The following TPP2 variants were observed in gnomAD, a reference collection of about 807,000 sequenced individuals.
TPP2 encodes tripeptidyl peptidase 2.
A neutral mutation model predicts 155.9 loss-of-function variants in TPP2; 34 were observed. The ratio of observed to expected loss-of-function variants is 0.22; its 90% CI spans 0.17 to 0.29. The LOEUF is 0.29. Among genes scored for constraint, TPP2 ranks in the 10% least tolerant of loss-of-function variants. The probability of loss-of-function intolerance (pLI) is 1.00; values close to 1 mark genes in which losing one functional copy is unlikely to be tolerated. For missense variants in TPP2, 1,028 were observed against 1,522.3 expected (o/e 0.68, Z 5.40); for synonymous variants, 510 against 529.4 (o/e 0.96, Z 0.50).
chr13:102,678,079 G>A (rs1885403678), intron 29 of TPP2, 148 bp from the exon 30 acceptor site: 1 of 740,034 alleles, frequency 1.4e-6, no homozygotes, highest in Non-Finnish European at 2.1e-6. Flanking sequence ...GTGGGAAGGA[G>A]GATCAATGGG....
chr13:102,622,030 A>G (rs907328776), intron 5 of TPP2, among the ~76,000 whole-genome samples: 2 of 152,212 alleles, frequency 1.3e-5, no homozygotes, highest in Non-Finnish European at 2.9e-5. Context: ...TATTAGGGCA[A>G]TGCATAAAAA....
In TPP2 at chr13:102,679,843, C is replaced by G. The variant is rs1261594050; in HGVS notation, c.*1527C>G. On this transcript the variant is annotated 3_prime_UTR_variant, in exon 30 of 30. Transcript: ENST00000376052. ...ATTAATTACAGACCTTGCTTTACAA[C>G]CCAGGTTTTGCTATTTCAGGTAAGT... The G allele has an allele frequency of 6.6e-6, 1 of 152,168 alleles. No homozygotes were observed. Among genetic ancestry groups the G allele is most frequent in the Non-Finnish European group, 1.5e-5 (1 of 68,026 alleles). The allele number at this position is 152,168 out of a possible 1,614,324, so 9.4% of individuals were successfully genotyped here.
intron 16 of TPP2, 145 bp from the exon 17 acceptor site, chr13:102,643,077 A>G (rs1460695959): frequency 3.3e-5 from 21 of 644,454 alleles, no homozygotes; most frequent in Non-Finnish European, 4.6e-5. Context: ...TTATGGAAAT[A>G]TGCAGATTTG....
chr13:102,616,566 A>G lies in TPP2; in HGVS notation c.495+66A>G, dbSNP rs1040641703. 1.2e-5 allele frequency: 15 copies of G among 1,262,502 alleles called. No individual in the cohort carries two copies. In the African/African-American group the frequency reaches 2.0e-4, roughly 17 times the overall value. The allele number at this position is 1,262,502 out of a possible 1,614,324, so 78.2% of individuals were successfully genotyped here. A position where few individuals can be genotyped will look rare whatever the true frequency, so the allele number is the denominator to read the frequency against. On this transcript the variant is annotated intron_variant, in intron 4 of 29. Coordinates refer to ENST00000376052, the MANE Select transcript of TPP2 (RefSeq NM_001330588.2). ...CATATTCCCATAGAGTTTCTACAGA[A>G]CTAATAGACTGTTTTTCCACAAGTT...
chr13:102,646,408 A>G lies in TPP2; in HGVS notation c.2490+18A>G, dbSNP rs759311929. On this transcript the variant is annotated intron_variant, in intron 20 of 29. Transcript: ENST00000376052. ...TTCATCAAGTAAGTGTTTGCCTAGT[A>G]AAGTGTACCCTTAGGATGAACTTTT... 2.7e-5 allele frequency: 43 copies of G among 1,590,852 alleles called. No homozygotes were observed. Among genetic ancestry groups the G allele is most frequent in the Non-Finnish European group, 3.5e-5 (41 of 1,163,804 alleles).
chr13:102,665,205 T>G (rs1169397085), intron 27 of TPP2, among the ~76,000 whole-genome samples: 1 of 152,164 alleles, frequency 6.6e-6, no homozygotes, highest in Non-Finnish European at 1.5e-5. Context: ...TCCAACCACT[T>G]GAGGGTTTAT....
At chr13:102,605,903 T>G (rs1408916577) in intron 2 of TPP2, among the ~76,000 whole-genome samples, 1 of 152,032 alleles carries the variant, frequency 6.6e-6, no homozygotes, top group Non-Finnish European at 1.5e-5. Flanking sequence ...TTTGTATGAT[T>G]AGTAGAGACA....
chr13:102,651,524 G>A (rs1595191747), intron 24 of TPP2, 127 bp downstream of exon 24: 1 of 955,408 alleles, frequency 1.0e-6, no homozygotes. Flanking sequence ...GCATTCTAAA[G>A]TATAGTGCTC....
At chr13:102,628,412 T>TG (rs1595161298) in intron 8 of TPP2, among the ~76,000 whole-genome samples, 1 of 152,136 alleles carries the variant, frequency 6.6e-6, no homozygotes, top group East Asian at 1.9e-4. Flanking sequence ...CGCCCAGACT[T>TG]GCTGAAATTT....
chr13:102,634,194 C>T, intron 11 of TPP2, 96 bp downstream of exon 11: 12 of 1,512,666 alleles, frequency 7.9e-6, no homozygotes, highest in Non-Finnish European at 1.0e-5. Context: ...ATTGATAATT[C>T]CCTGGGCACA....
At chr13:102,651,020 G>T (rs1195769306) in intron 23 of TPP2, among the ~76,000 whole-genome samples, 1 of 152,128 alleles carries the variant, frequency 6.6e-6, no homozygotes, top group African/African-American at 2.4e-5. Context: ...CATAGGCAAT[G>T]GGGTTGTTGT....
chr13:102,655,047 G>A, intron 24 of TPP2: 1 of 496,722 alleles, frequency 2.0e-6, no homozygotes, highest in Non-Finnish European at 4.0e-6. Context: ...CCTGACCTCA[G>A]AGGGAGAATG....
Position 102,629,569 on chromosome 13 carries a change from T to C in TPP2, c.1104T>C (p.Ser368=). The C allele has an allele frequency of 6.4e-7, 1 of 1,556,512 alleles. No homozygotes were observed. Among genetic ancestry groups the C allele is most frequent in the East Asian group, 2.4e-5 (1 of 41,480 alleles). The change falls in exon 9 of 30, where the codon TCT becomes TCC. Residue 368 remains serine, a synonymous_variant. Coordinates refer to ENST00000376052, the MANE Select transcript of TPP2 (RefSeq NM_001330588.2). ...SSAGNNGPCL[S]TVGCPGGTTS... ...CTGGAAATAATGGTCCATGCCTGTC[T>C]ACAGTTGGTTGTCCAGGTGGAACTA...
intron 27 of TPP2, among the ~76,000 whole-genome samples, chr13:102,667,034 A>G (rs1334574463): frequency 6.6e-6 from 1 of 152,090 alleles, no homozygotes; most frequent in South Asian, 2.1e-4. Flanking sequence ...GACAGAAGAC[A>G]GTATTCAGAG....
chr13:102,643,446 A>G (rs2139528494), intron 17 of TPP2, 70 bp downstream of exon 17: 1 of 1,298,080 alleles, frequency 7.7e-7, no homozygotes, highest in Non-Finnish European at 1.0e-6. Flanking sequence ...AAGACTAAGT[A>G]TTTGCATTTG....
intron 6 of TPP2, among the ~76,000 whole-genome samples, chr13:102,624,852 C>CTTTTTTTTTTTTTTTTTTTTTTTTT (rs1029486604): frequency 3.6e-5 from 3 of 83,426 alleles, no homozygotes; most frequent in African/African-American, 1.1e-4. Context: ...TTTTTTTTTC[C>CTTTTTTTTTTTTTTTTTTTTTTTTT]TTTTTTTTTT....
chr13:102,661,664 T>G (rs1004673017), intron 25 of TPP2, among the ~76,000 whole-genome samples: 38 of 152,162 alleles, frequency 2.5e-4, no homozygotes, highest in African/African-American at 8.9e-4. Flanking sequence ...GACCAGTAAG[T>G]GCATGAAAAA....
At chr13:102,657,020 G>A (rs1883901001) in intron 24 of TPP2, 36 bp from the exon 25 acceptor site, 2 of 1,556,796 alleles carry the variant, frequency 1.3e-6, no homozygotes, top group South Asian at 1.2e-5. Flanking sequence ...GTAAAATTAA[G>A]CATATTAATC....
At position 102,646,376 on chromosome 13, in the gene TPP2, T is replaced by C; in HGVS notation, c.2476T>C (p.Tyr826His). 6.2e-7 allele frequency: 1 copy of C among 1,612,106 alleles called. No homozygotes were observed. The highest frequency in any genetic ancestry group is 8.5e-7 in the Non-Finnish European group (1 of 1,179,224). The change falls in exon 20 of 30, where the codon TAT becomes CAT. Residue 826 changes from tyrosine (Y) to histidine (H), a missense_variant. Around this residue, in one of 7 missense-constraint regions of TPP2, gnomAD observed 325 missense variants for 463.7 expected, o/e 0.70. Coordinates refer to ENST00000376052, the MANE Select transcript of TPP2 (RefSeq NM_001330588.2). The part of the protein sequence containing the change: ...NRQLYEMVLT[Y>H]NFHQPKSGEV... ...TCAACTTTATGAGATGGTCCTGACATATAACTTTCATCAAGTAAGTGTTTG... is the reference window on the plus strand; with the variant it reads ...TCAACTTTATGAGATGGTCCTGACACATAACTTTCATCAAGTAAGTGTTTG...
Sources: allele counts gnomAD v4.1 joint callset (sites outside exome capture counted in the v4.1 genomes callset), GRCh38; gene constraint gnomAD v4.1.1; regional missense constraint gnomAD v4.1.1; transcripts MANE v1.5; gene names NCBI Gene and HGNC (gene_info 2026-07-23, HGNC 2026-07-21).